BRF1: variants seen among roughly 807,000 people sequenced by gnomAD.
The protein encoded by BRF1 is transcription factor IIIB 90 kDa subunit.
A neutral mutation model predicts 81.7 loss-of-function variants in BRF1; 59 were observed. The ratio of observed to expected loss-of-function variants is 0.72; its 90% CI spans 0.59 to 0.90. The LOEUF (loss-of-function observed/expected upper bound fraction) is 0.90. Ranked by LOEUF, BRF1 falls within the 40% of genes least tolerant of loss-of-function variation. The pLI, the probability that BRF1 is intolerant of heterozygous loss-of-function variation, is 0.00. For synonymous variants in BRF1, 491 were observed against 395.6 expected (o/e 1.24, Z -2.86); for missense variants, 1,050 against 936.3 (o/e 1.12, Z -1.58).
In BRF1 at chr14:105,209,501, G is replaced by A. The variant is rs1208744717; in HGVS notation, c.*1050C>T. 1.4e-6 allele frequency: 1 copy of A among 701,730 alleles called. No homozygotes were observed. The highest frequency in any genetic ancestry group is 1.7e-5 in the African/African-American group (1 of 57,216). The allele number at this position is 701,730 out of a possible 1,614,324, so 43.5% of individuals were successfully genotyped here. A position where few individuals can be genotyped will look rare whatever the true frequency, so the allele number is the denominator to read the frequency against. On this transcript the variant is annotated 3_prime_UTR_variant, in exon 18 of 18. Transcript: ENST00000547530. ...CAGTGAGGCACGGCTCTGCCTCAAGGCCACCCCCTCCTAAGGACACAGGGT... is the reference window on the plus strand; with the variant it reads ...CAGTGAGGCACGGCTCTGCCTCAAGACCACCCCCTCCTAAGGACACAGGGT...
At chr14:105,297,107 G>A (rs1197346209) in intron 1 of BRF1, among the ~76,000 whole-genome samples, 2 of 151,816 alleles carry the variant, frequency 1.3e-5, no homozygotes, top group Non-Finnish European at 2.9e-5. Flanking sequence ...GCAGTGAGCC[G>A]AGGTTGCACC....
intron 3 of BRF1, among the ~76,000 whole-genome samples, chr14:105,268,903 C>A (rs1399119274): frequency 1.3e-5 from 2 of 152,190 alleles, no homozygotes; most frequent in East Asian, 3.9e-4. Flanking sequence ...GAGAGCCTGG[C>A]TGCACACACC....
chr14:105,218,193 C>A (rs112877470), intron 14 of BRF1, among the ~76,000 whole-genome samples: 5,947 of 152,216 alleles, frequency 0.039, 395 homozygotes, highest in African/African-American at 0.14. Flanking sequence ...TGAAGACAGA[C>A]AATCCACCCC....
chr14:105,249,758 A>C, intron 5 of BRF1: 1 of 1,613,876 alleles, frequency 6.2e-7, no homozygotes, highest in Non-Finnish European at 8.5e-7. Flanking sequence ...TCTGGAGACA[A>C]GTTTGGAAGC....
At chr14:105,295,604 T>A (rs118156212) in intron 1 of BRF1, among the ~76,000 whole-genome samples, 118 of 151,426 alleles carry the variant, frequency 7.8e-4, no homozygotes, top group Non-Finnish European at 1.4e-3. Context: ...CCCTAGACCC[T>A]GTCTCCCCAA....
At chr14:105,266,469 GA>G (rs149544037) in intron 3 of BRF1, among the ~76,000 whole-genome samples, 3,490 of 152,166 alleles carry the variant, frequency 0.023, 96 homozygotes, top group African/African-American at 0.063. Context: ...AGATTAAGGG[GA>G]AAATGTACAT....
At position 105,213,595 on chromosome 14, in the gene BRF1, G is replaced by A. The variant is rs191519739; in HGVS notation, c.1773-1431C>T. Among the ~76,000 whole-genome samples the A allele has an allele frequency of 1.7e-3, 266 of 152,164 alleles. 1 individual carries two copies. Among genetic ancestry groups the A allele is most frequent in the Non-Finnish European group, 2.8e-3 (192 of 67,984 alleles). ...ACGGGGCTACAGGGAGAGCGGTGCTGTTAGGAGGGTGCGCTTCCTGCAGGG... is the reference window on the plus strand; with the variant it reads ...ACGGGGCTACAGGGAGAGCGGTGCTATTAGGAGGGTGCGCTTCCTGCAGGG... On this transcript the variant is annotated intron_variant, in intron 15 of 17. Coordinates refer to ENST00000547530, the MANE Select transcript of BRF1 (RefSeq NM_001519.4).
At chr14:105,215,093 G>A (rs587622717) in intron 15 of BRF1, among the ~76,000 whole-genome samples, 1 of 152,286 alleles carries the variant, frequency 6.6e-6, no homozygotes, top group East Asian at 1.9e-4. Flanking sequence ...TCAGATCATG[G>A]CCATGTTGGG....
At chr14:105,254,586 A>C (rs2055775411) in intron 4 of BRF1, among the ~76,000 whole-genome samples, 1 of 142,236 alleles carries the variant, frequency 7.0e-6, no homozygotes, top group Admixed American at 7.1e-5. Context: ...CTTGAGACAG[A>C]GTTTCACTCT....
At chr14:105,260,692 A>G (rs587696461) in intron 3 of BRF1, among the ~76,000 whole-genome samples, 1 of 152,180 alleles carries the variant, frequency 6.6e-6, no homozygotes, top group African/African-American at 2.4e-5. Context: ...TTTCTTAATA[A>G]AACAATGGGA....
intron 6 of BRF1, among the ~76,000 whole-genome samples, chr14:105,240,849 G>A (rs1304917644): frequency 7.9e-6 from 1 of 125,932 alleles, no homozygotes; most frequent in Non-Finnish European, 1.7e-5. Context: ...CCGCGTAGTC[G>A]CCCAGCTGGG....
At chr14:105,270,049 G>A (rs916418287) in intron 3 of BRF1, among the ~76,000 whole-genome samples, 3 of 152,184 alleles carry the variant, frequency 2.0e-5, no homozygotes, top group South Asian at 2.1e-4. Context: ...GGACGCGGGC[G>A]TGGGCTCTGT....
At chr14:105,218,939 T>C (rs1209611069) in intron 14 of BRF1, 59 bp downstream of exon 14, 4 of 1,607,422 alleles carry the variant, frequency 2.5e-6, no homozygotes, top group African/African-American at 2.7e-5. Context: ...CCAGAGACAT[T>C]TGCCCCCCGT....
chr14:105,243,227 G>A (rs900470732), intron 5 of BRF1, among the ~76,000 whole-genome samples: 10 of 150,524 alleles, frequency 6.6e-5, no homozygotes, highest in Non-Finnish European at 1.3e-4. Flanking sequence ...GATTGCCTGA[G>A]CTTAGGAGTT....
At chr14:105,247,868 G>A (rs1367119453) in intron 5 of BRF1, 2 of 985,580 alleles carry the variant, frequency 2.0e-6, no homozygotes, top group African/African-American at 1.7e-5. Flanking sequence ...CATCAGCAAA[G>A]CCAGTGCCCC....
chr14:105,297,370 C>T (rs1161354241), intron 1 of BRF1, among the ~76,000 whole-genome samples: 1 of 151,896 alleles, frequency 6.6e-6, no homozygotes, highest in African/African-American at 2.4e-5. Flanking sequence ...AGTTCGAGAC[C>T]AGCCTGGCCA....
At chr14:105,293,351 C>A (rs961692016) in intron 1 of BRF1, among the ~76,000 whole-genome samples, 1 of 152,200 alleles carries the variant, frequency 6.6e-6, no homozygotes, top group Non-Finnish European at 1.5e-5. Flanking sequence ...GCAGCACTCA[C>A]GGACACCCCA....
chr14:105,253,356 A>G (rs1566839461), intron 4 of BRF1, among the ~76,000 whole-genome samples: 1 of 152,202 alleles, frequency 6.6e-6, no homozygotes, highest in Non-Finnish European at 1.5e-5. Context: ...GGAGCCTGCA[A>G]GAGCCCTGCC....
At chr14:105,226,318 G>A (rs587660416) in intron 8 of BRF1, 28 bp from the exon 9 acceptor site, 16 of 1,613,900 alleles carry the variant, frequency 9.9e-6, no homozygotes, top group East Asian at 6.7e-5. Context: ...AAGAGGCTTC[G>A]TGAAGGGAGG....
Sources: allele counts gnomAD v4.1 joint callset (sites outside exome capture counted in the v4.1 genomes callset), GRCh38; gene constraint gnomAD v4.1.1; transcripts MANE v1.5; gene names NCBI Gene and HGNC (gene_info 2026-07-23, HGNC 2026-07-21).